The following ARID3A variants were observed in gnomAD, a reference collection of about 807,000 sequenced individuals.
ARID3A encodes AT-rich interaction domain 3A.
Under a neutral mutation model 52.7 loss-of-function variants are expected in ARID3A, and 11 were observed. The observed-to-expected ratio is 0.21, with a 90% CI of 0.13 to 0.35. The LOEUF (loss-of-function observed/expected upper bound fraction) is 0.35, where lower values mean the gene tolerates loss of function less well. Among genes scored for constraint, ARID3A ranks in the 10% least tolerant of loss-of-function variants. The pLI is 1.00. For synonymous variants in ARID3A, 404 were observed against 359.4 expected, an observed-to-expected ratio of 1.12 and a Z score of -1.40; for missense variants, 721 against 838.5, an observed-to-expected ratio of 0.86 and a Z score of 1.73.
rs778721047 is a variant in ARID3A at position 947,762 on chromosome 19, C to T, written c.694-12330C>T. 5.3e-5 allele frequency among the ~76,000 whole-genome samples: 8 copies of T among 152,236 alleles called. No homozygotes were observed. The highest frequency in any genetic ancestry group is 2.1e-4 in the South Asian group (1 of 4,832). On this transcript the variant is annotated intron_variant, in intron 3 of 8. Coordinates refer to ENST00000263620, the MANE Select transcript of ARID3A (RefSeq NM_005224.3). The surrounding 1 kb of genome is among the most constrained non-coding windows in gnomAD (Gnocchi z 6.3). The stretch of plus-strand genomic sequence containing the variant: ...GTTATTAATATCCGCCCCGTGGGTG[C>T]GGCGCTGTGTATTTCCAGAGAGGGG...
intron 1 of ARID3A, among the ~76,000 whole-genome samples, chr19:926,756 C>T (rs1449224819): frequency 6.6e-6 from 1 of 151,414 alleles, no homozygotes; most frequent in Non-Finnish European, 1.5e-5. Context: ...CGTTTCAGGG[C>T]CCCCCAGACA....
intron 3 of ARID3A, among the ~76,000 whole-genome samples, chr19:949,272 G>A (rs2037754126): frequency 6.6e-6 from 1 of 152,164 alleles, no homozygotes; most frequent in South Asian, 2.1e-4. Context: ...GTGTGGAGGG[G>A]GAGGTGCCAA....
chr19:936,668 C>T (rs896415341), intron 3 of ARID3A, among the ~76,000 whole-genome samples: 4 of 151,966 alleles, frequency 2.6e-5, no homozygotes, highest in Non-Finnish European at 5.9e-5. Flanking sequence ...CGGTGAAACC[C>T]TGTCTCTACT....
chr19:968,230 GGCGCCT>G (rs1014251636), intron 7 of ARID3A, among the ~76,000 whole-genome samples, 169 bp from the exon 8 acceptor site: 18 of 151,498 alleles, frequency 1.2e-4, no homozygotes, highest in African/African-American at 4.4e-4. Context: ...CGTGGTGGCG[GGCGCCT>G]GTAGTCCCAG....
intron 4 of ARID3A, among the ~76,000 whole-genome samples, chr19:961,137 A>G (rs982164182): frequency 1.3e-5 from 2 of 152,086 alleles, no homozygotes; most frequent in African/African-American, 4.8e-5. Flanking sequence ...CAGACGGGGG[A>G]GGAGGCCTTG....
chr19:960,210 G>T lies in ARID3A; in HGVS notation c.766+46G>T. 6.4e-7 allele frequency: 1 copy of T among 1,555,270 alleles called. No homozygotes were observed. Among genetic ancestry groups the T allele is most frequent in the Non-Finnish European group, 8.8e-7 (1 of 1,137,698 alleles). ...CCGCTGGAGGGAGGTCACAGAAACA[G>T]GGCTGTAGGAGGGGCCCTACTGGCT... is the stretch of plus-strand genomic sequence containing the variant. On this transcript the variant is annotated intron_variant, in intron 4 of 8. Transcript: ENST00000263620. This position sits in a 1 kb window ranked among gnomAD's most constrained non-coding sequence, Gnocchi z 4.3.
intron 8 of ARID3A, among the ~76,000 whole-genome samples, chr19:970,126 A>G (rs1002107168): frequency 6.6e-6 from 1 of 152,042 alleles, no homozygotes; most frequent in Non-Finnish European, 1.5e-5. Context: ...CAGCCTGATC[A>G]ACATGGTGAA....
chr19:941,084 C>T lies in ARID3A; in HGVS notation c.693+8342C>T, dbSNP rs1043691113. Among the ~76,000 whole-genome samples the T allele has an allele frequency of 2.6e-5, 4 of 152,214 alleles. No homozygotes were observed. Among genetic ancestry groups the T allele is most frequent in the East Asian group, 1.9e-4 (1 of 5,176 alleles). ...CGCCGCGGCCTGGCCCCACGCCCACCGCCGGCGTCCCACCCTGGTGGCTGC... is the reference window on the plus strand; with the variant it reads ...CGCCGCGGCCTGGCCCCACGCCCACTGCCGGCGTCCCACCCTGGTGGCTGC... On this transcript the variant is annotated intron_variant, in intron 3 of 8. Transcript: ENST00000263620. This position sits in a 1 kb window ranked among gnomAD's most constrained non-coding sequence, Gnocchi z 6.9.
At position 938,399 on chromosome 19, in the gene ARID3A, C is replaced by T. The variant is rs1345582297; in HGVS notation, c.693+5657C>T. The stretch of plus-strand genomic sequence containing the variant: ...TCCTCACTGGATCCCAAGGAGCTGC[C>T]GTTGAACCTGTTGTGCAGACGAGAA... On this transcript the variant is annotated intron_variant, in intron 3 of 8. Coordinates refer to ENST00000263620, the MANE Select transcript of ARID3A (RefSeq NM_005224.3). This position sits in a 1 kb window ranked among gnomAD's most constrained non-coding sequence, Gnocchi z 4.0. Among the ~76,000 whole-genome samples, 10 of 152,126 alleles carry T rather than the reference C, an allele frequency of 6.6e-5. No individual in the cohort carries two copies. The highest frequency in any genetic ancestry group is 1.0e-4 in the Non-Finnish European group (7 of 68,038).
At chr19:950,643 G>T (rs1011313312) in intron 3 of ARID3A, among the ~76,000 whole-genome samples, 1 of 152,210 alleles carries the variant, frequency 6.6e-6, no homozygotes, top group Non-Finnish European at 1.5e-5. Context: ...TGGAGCAGGG[G>T]AGAGACCTGG....
rs1269177035 is a variant in ARID3A, at chr19:973,744, C to T, written c.*1679C>T. ...TCCCCGAGTTCTGCGGTGACTAAAT[C>T]GAGGCCGAGAAGGGAGGCTGCCCCC... On this transcript the variant is annotated 3_prime_UTR_variant, in exon 9 of 9. Coordinates refer to ENST00000263620, the MANE Select transcript of ARID3A (RefSeq NM_005224.3). 5 of 228,080 alleles carry T rather than the reference C, an allele frequency of 2.2e-5. No homozygotes were observed. In the East Asian group the frequency reaches 2.5e-4, roughly 11 times the overall value. The allele number at this position is 228,080 out of a possible 1,614,324, so 14.1% of individuals were successfully genotyped here.
rs533592758 is a variant in ARID3A at position 929,660 on chromosome 19, C to G, written c.132C>G (p.Asp44Glu). Residue 44 changes from aspartate to glutamate, a missense_variant, in exon 2 of 9, where the codon GAC becomes GAG. Coordinates refer to ENST00000263620, the MANE Select transcript of ARID3A (RefSeq NM_005224.3). This position sits in a 1 kb window ranked among gnomAD's most constrained non-coding sequence, Gnocchi z 6.2. ...APPGRARAAP[D>E]EDREPESARM... Reference sequence around the variant, plus strand: ...CCGGCCGGGCCCGGGCTGCCCCCGACGAGGACAGAGAGCCCGAGAGTGCCC... The same window carrying G: ...CCGGCCGGGCCCGGGCTGCCCCCGAGGAGGACAGAGAGCCCGAGAGTGCCC... 3.9e-6 allele frequency: 6 copies of G among 1,546,864 alleles called. No individual in the cohort carries two copies. Among genetic ancestry groups the G allele is most frequent in the Non-Finnish European group, 4.3e-6 (5 of 1,154,164 alleles).
chr19:953,244 G>T (rs770364679), intron 3 of ARID3A, among the ~76,000 whole-genome samples: 2 of 152,156 alleles, frequency 1.3e-5, no homozygotes, highest in Non-Finnish European at 2.9e-5. Context: ...CGGAGCTGTC[G>T]TTTCTCTGGG....
At chr19:946,958 AT>A (rs111913470) in intron 3 of ARID3A, among the ~76,000 whole-genome samples, 9,639 of 138,848 alleles carry the variant, frequency 0.069, 542 homozygotes, top group East Asian at 0.18. Flanking sequence ...TGCCTGGCTA[AT>A]TTTTTTTTTT....
Position 947,151 on chromosome 19 carries a change from T to C in ARID3A, c.694-12941T>C, listed in dbSNP as rs1411709534. 6.6e-6 allele frequency among the ~76,000 whole-genome samples: 1 copy of C among 151,982 alleles called. No homozygotes were observed. Among genetic ancestry groups the C allele is most frequent in the East Asian group, 1.9e-4 (1 of 5,198 alleles). On this transcript the variant is annotated intron_variant, in intron 3 of 8. Coordinates refer to ENST00000263620, the MANE Select transcript of ARID3A (RefSeq NM_005224.3). This position sits in a 1 kb window ranked among gnomAD's most constrained non-coding sequence, Gnocchi z 6.3. Reference sequence around the variant, plus strand: ...GGGTGCCCCCCATTGCTGGGCACCGTGGGGTGGGGTGTGTCTGTGTGTGGC... The same window carrying C: ...GGGTGCCCCCCATTGCTGGGCACCGCGGGGTGGGGTGTGTCTGTGTGTGGC...
At chr19:948,065 C>G (rs1274856343) in intron 3 of ARID3A, among the ~76,000 whole-genome samples, 3 of 152,142 alleles carry the variant, frequency 2.0e-5, no homozygotes, top group Non-Finnish European at 1.5e-5. Flanking sequence ...AAGTAAGCGC[C>G]TGCTGGGTGT....
chr19:938,113 G>A lies in ARID3A; in HGVS notation c.693+5371G>A, dbSNP rs1181698023. Among the ~76,000 whole-genome samples the A allele has an allele frequency of 9.9e-5, 15 of 151,470 alleles. No individual in the cohort carries two copies. The highest frequency in any genetic ancestry group is 9.9e-4 in the Admixed American group (15 of 15,202). On this transcript the variant is annotated intron_variant, in intron 3 of 8. Transcript: ENST00000263620. The surrounding 1 kb of genome is among the most constrained non-coding windows in gnomAD (Gnocchi z 4.0). ...CACACCTCAGCGTCCCAGAGTGCTG[G>A]GATCACAGACGTGAGCCACCGCGCC...
intron 3 of ARID3A, among the ~76,000 whole-genome samples, chr19:953,112 G>C (rs913489367): frequency 6.6e-6 from 1 of 151,934 alleles, no homozygotes; most frequent in Non-Finnish European, 1.5e-5. Context: ...GGAGTCCTGA[G>C]CCGGGGCTGA....
At chr19:970,912 C>A (rs2038265813) in intron 8 of ARID3A, among the ~76,000 whole-genome samples, 1 of 152,120 alleles carries the variant, frequency 6.6e-6, no homozygotes, top group Non-Finnish European at 1.5e-5. Flanking sequence ...TCAGTGGTGT[C>A]CTCACAGGTC....
Sources: gnomAD v4.1 joint callset for allele counts (sites outside exome capture counted in the v4.1 genomes callset) on GRCh38, gnomAD v4.1.1 for gene constraint, Gnocchi (gnomAD v3.1) non-coding constraint, MANE v1.5 for transcripts, NCBI Gene and HGNC (gene_info 2026-07-23, HGNC 2026-07-21) for gene names.